The following CACNB2 variants were observed in gnomAD, a reference collection of about 807,000 sequenced individuals.
CACNB2 encodes the protein calcium voltage-gated channel auxiliary subunit beta 2, also known as voltage-dependent L-type calcium channel subunit beta-2.
Under a neutral mutation model 73.3 loss-of-function variants are expected in CACNB2, and 42 were observed. That is an observed-to-expected ratio of 0.57 (90% CI 0.45 to 0.74). CACNB2 has a LOEUF of 0.74. CACNB2 is among the 30% of genes least tolerant of loss of function. The pLI is 0.00. For missense variants in CACNB2, 940 were observed against 853.0 expected (o/e 1.10, Z -1.27); for synonymous variants, 348 against 310.3 (o/e 1.12, Z -1.28).
At chr10:18,304,040 C>A (rs1467079371) in intron 2 of CACNB2, among the ~76,000 whole-genome samples, 3 of 152,210 alleles carry the variant, frequency 2.0e-5, no homozygotes, top group African/African-American at 7.2e-5. Context: ...GCTGCAGCCT[C>A]AAACTTCCAG....
rs2043464289 is a variant in CACNB2 at position 18,391,439 on chromosome 10, C to T, written c.214-10485C>T. Among the ~76,000 whole-genome samples the T allele has an allele frequency of 2.0e-5, 3 of 152,184 alleles. No homozygotes were observed. In the South Asian group the frequency reaches 6.2e-4, roughly 32 times the overall value. ...TAGGATGTAAGAGAGAAGAGGTTTT[C>T]TCTCTTTCAGTCCTTATTCATTCAT... is the stretch of plus-strand genomic sequence containing the variant. On this transcript the variant is annotated intron_variant, in intron 2 of 13. Transcript: ENST00000324631.
chr10:18,504,801 C>T (rs377369909), intron 5 of CACNB2, among the ~76,000 whole-genome samples: 3 of 152,102 alleles, frequency 2.0e-5, no homozygotes, highest in African/African-American at 2.4e-5. Context: ...TGCACCACCA[C>T]GCCCAGCTAA....
At chr10:18,214,807 G>A (rs1281750858) in intron 2 of CACNB2, among the ~76,000 whole-genome samples, 1 of 152,050 alleles carries the variant, frequency 6.6e-6, no homozygotes, top group East Asian at 1.9e-4. Context: ...TGTAGCAGTG[G>A]CTGTTTGTGA....
chr10:18,214,932 G>A (rs1410603021), intron 2 of CACNB2, among the ~76,000 whole-genome samples: 1 of 152,190 alleles, frequency 6.6e-6, no homozygotes, highest in Non-Finnish European at 1.5e-5. Flanking sequence ...GTTTGTCATA[G>A]AAGGAAGGTA....
At chr10:18,394,034 C>T (rs1477455980) in intron 2 of CACNB2, among the ~76,000 whole-genome samples, 1 of 152,128 alleles carries the variant, frequency 6.6e-6, no homozygotes, top group Non-Finnish European at 1.5e-5. Flanking sequence ...CTCTGCCTCC[C>T]AGGTTCAGGC....
chr10:18,176,476 A>G (rs1479554670), intron 2 of CACNB2, among the ~76,000 whole-genome samples: 2 of 152,126 alleles, frequency 1.3e-5, no homozygotes, highest in African/African-American at 4.8e-5. Flanking sequence ...AAGAAATTAA[A>G]TGTGAACCTC....
intron 2 of CACNB2, among the ~76,000 whole-genome samples, chr10:18,287,717 G>GTATTTAA (rs1352885404): frequency 4.6e-5 from 7 of 152,280 alleles, no homozygotes; most frequent in Non-Finnish European, 8.8e-5. Context: ...TGGGCACGAT[G>GTATTTAA]GCACGCCCTG....
intron 2 of CACNB2, among the ~76,000 whole-genome samples, chr10:18,259,375 G>C (rs1194985144): frequency 6.6e-6 from 1 of 151,718 alleles, no homozygotes; most frequent in Non-Finnish European, 1.5e-5. Context: ...AGACCAGCCT[G>C]GGCAACAAAG....
At chr10:18,476,577 A>G (rs997540507) in intron 3 of CACNB2, among the ~76,000 whole-genome samples, 1 of 152,134 alleles carries the variant, frequency 6.6e-6, no homozygotes, top group Non-Finnish European at 1.5e-5. Context: ...ATGAAGTTGC[A>G]CCCTATGCAC....
intron 4 of CACNB2, among the ~76,000 whole-genome samples, chr10:18,499,418 C>G (rs2050044179): frequency 6.6e-6 from 1 of 151,908 alleles, no homozygotes; most frequent in Non-Finnish European, 1.5e-5. Context: ...GAGATGAAGA[C>G]CATCCTGGCC....
intron 2 of CACNB2, among the ~76,000 whole-genome samples, chr10:18,190,130 C>T (rs1054883135): frequency 6.6e-6 from 1 of 152,252 alleles, no homozygotes; most frequent in African/African-American, 2.4e-5. Flanking sequence ...CCTTGAGACC[C>T]CTGGCTAAAT....
intron 3 of CACNB2, among the ~76,000 whole-genome samples, chr10:18,448,984 A>T (rs1386895622): frequency 6.6e-6 from 1 of 152,214 alleles, no homozygotes; most frequent in African/African-American, 2.4e-5. Flanking sequence ...GAAACCATCT[A>T]GGAAGGTGTC....
chr10:18,514,145 C>A (rs753801393), intron 6 of CACNB2, 91 bp from the exon 7 acceptor site: 2 of 1,377,352 alleles, frequency 1.5e-6, no homozygotes, highest in Non-Finnish European at 2.1e-6. Flanking sequence ...GTTTTTTTTA[C>A]TATGGTTAGT....
chr10:18,242,632 G>A (rs1242900441), intron 2 of CACNB2, among the ~76,000 whole-genome samples: 2 of 152,138 alleles, frequency 1.3e-5, no homozygotes, highest in African/African-American at 4.8e-5. Context: ...TGTGAAAACT[G>A]ATTTCAGAAG....
At chr10:18,219,662 TG>T (rs901625471) in intron 2 of CACNB2, among the ~76,000 whole-genome samples, 5 of 152,138 alleles carry the variant, frequency 3.3e-5, no homozygotes, top group African/African-American at 1.2e-4. Flanking sequence ...GAAATTCAAC[TG>T]TTATATATTC....
intron 3 of CACNB2, among the ~76,000 whole-genome samples, chr10:18,442,720 A>G (rs528257617): frequency 6.6e-6 from 1 of 150,480 alleles, no homozygotes; most frequent in East Asian, 2.0e-4. Flanking sequence ...AGCTACTCAG[A>G]AGGCTGAGGC....
rs140132203 is a variant in CACNB2 at position 18,176,025 on chromosome 10, C to T, written c.213+25050C>T. On this transcript the variant is annotated intron_variant, in intron 2 of 13. Transcript: ENST00000324631. ...AGTACTTGTTCGTGTGTGAAAGACA[C>T]CTACAGCATGTTGTAACTAGACTGA... Among the ~76,000 whole-genome samples, 6 of 152,284 alleles carry T rather than the reference C, an allele frequency of 3.9e-5. No individual in the cohort carries two copies. In the East Asian group the frequency reaches 5.8e-4, roughly 15 times the overall value.
At chr10:18,304,955 A>G (rs1256608772) in intron 2 of CACNB2, among the ~76,000 whole-genome samples, 1 of 152,262 alleles carries the variant, frequency 6.6e-6, no homozygotes, top group Non-Finnish European at 1.5e-5. Context: ...TGTAATGGAA[A>G]TTGAAATGTC....
chr10:18,418,665 G>A (rs2045140981), intron 3 of CACNB2, among the ~76,000 whole-genome samples: 1 of 152,168 alleles, frequency 6.6e-6, no homozygotes, highest in East Asian at 1.9e-4. Flanking sequence ...CCAATATGTA[G>A]CCAGTCCAGC....
Sources: allele counts gnomAD v4.1 joint callset (sites outside exome capture counted in the v4.1 genomes callset), GRCh38; gene constraint gnomAD v4.1.1; transcripts MANE v1.5; gene names NCBI Gene and HGNC (gene_info 2026-07-23, HGNC 2026-07-21).